Variants in ZNF283 observed in about 807,000 individuals in gnomAD.
The protein encoded by ZNF283 is zinc finger protein 283.
A neutral mutation model predicts 9.2 loss-of-function variants in ZNF283; 10 were observed. The observed-to-expected ratio is 1.09, with a 90% CI of 0.67 to 1.85. ZNF283 has a LOEUF of 1.85. Ranked by LOEUF, ZNF283 falls within the 40% of genes most tolerant of loss-of-function variation. The pLI is 0.00. For missense variants in ZNF283, 631 were observed against 760.1 expected (o/e 0.83, Z 2.00); for synonymous variants, 234 against 244.1 (o/e 0.96, Z 0.38).
intron 6 of ZNF283, chr19:43,841,410 A>G (rs1971204019): frequency 6.7e-6 from 1 of 149,820 alleles, no homozygotes; most frequent in South Asian, 2.1e-4. Flanking sequence ...CTTGTGTTAT[A>G]TGGCTACTAG....
chr19:43,833,860 T>C (rs1294256013), intron 4 of ZNF283: 1 of 152,288 alleles, frequency 6.6e-6, no homozygotes, highest in Non-Finnish European at 1.5e-5. Flanking sequence ...CCTGACCCTG[T>C]GATACTTGTA....
chr19:43,828,223 C>T lies in ZNF283; in HGVS notation c.-123C>T, dbSNP rs568861887. 8.5e-5 allele frequency: 13 copies of T among 152,240 alleles called. No individual in the cohort carries two copies. The highest frequency in any genetic ancestry group is 2.9e-4 in the African/African-American group (12 of 41,530). 9.4% of individuals were successfully genotyped at this position (152,240 alleles called of 1,614,324 possible). On this transcript the variant is annotated 5_prime_UTR_variant, in exon 2 of 7. Transcript: ENST00000618787. Reference sequence around the variant, plus strand: ...CCAGTGCTGCCAGGTTGCCAGATTTCTAAGAAGGAGTTTGAAGAGGAGAAA... The same window carrying T: ...CCAGTGCTGCCAGGTTGCCAGATTTTTAAGAAGGAGTTTGAAGAGGAGAAA...
chr19:43,847,264 A>T lies in ZNF283; in HGVS notation c.663A>T (p.Lys221Asn). 6.2e-7 allele frequency: 1 copy of T among 1,612,046 alleles called. No individual in the cohort carries two copies. The highest frequency in any genetic ancestry group is 8.5e-7 in the Non-Finnish European group (1 of 1,179,186). Reference protein sequence around the residue: ...ECGKACSHGSKLVQHERTHTA... With the variant: ...ECGKACSHGSNLVQHERTHTA... ...GGAAGGCTTGCAGTCATGGCTCAAA[A>T]CTTGTTCAACATGAGAGAACTCATA... The change falls in exon 7 of 7, where the codon AAA (lysine) becomes AAT (asparagine). Residue 221 changes from lysine (K) to asparagine (N), a missense_variant. Lys to Asn is a moderately conservative substitution (Grantham distance 94). Coordinates refer to ENST00000618787, the MANE Select transcript of ZNF283 (RefSeq NM_181845.2).
chr19:43,843,125 A>G (rs1426605016), intron 6 of ZNF283, among the ~76,000 whole-genome samples: 2 of 152,160 alleles, frequency 1.3e-5, no homozygotes, highest in Non-Finnish European at 2.9e-5. Flanking sequence ...GACAGATCAC[A>G]AGGTTAAGAG....
In ZNF283 at chr19:43,835,589, T is replaced by G. The variant is rs367918797; in HGVS notation, c.207T>G (p.Thr69=). 2.5e-6 allele frequency: 4 copies of G among 1,596,764 alleles called. No individual in the cohort carries two copies. In the African/African-American group the frequency reaches 5.4e-5, roughly 21 times the overall value. The change falls in exon 5 of 7, where the codon ACT becomes ACG. Residue 69 remains threonine (T), a synonymous_variant. Coordinates refer to ENST00000618787, the MANE Select transcript of ZNF283 (RefSeq NM_181845.2). ...GTTCTTGCAATTCCAGAACCATGACTGATGTAAGTTGGTATTTTTCTCTCC... is the reference window on the plus strand; with the variant it reads ...GTTCTTGCAATTCCAGAACCATGACGGATGTAAGTTGGTATTTTTCTCTCC... The part of the protein sequence containing the change: ...LISSCNSRTM[T]DGLVTFRDVA...
rs752448122 is a variant in ZNF283 at position 43,846,953 on chromosome 19, A to G, written c.352A>G (p.Thr118Ala). The G allele has an allele frequency of 6.4e-6, 10 of 1,567,546 alleles. No homozygotes were observed. The African/African-American group carries it at 8.2e-5, about 13-fold the overall frequency. ...TTTTCTTTCAGATTTGGAGTCAAAA[A>G]CGTATGAGACCAAAAAAATATTTTC... The part of the protein sequence containing the change: ...NLVSLDLESK[T>A]YETKKIFSEN... Residue 118 changes from threonine to alanine, a missense_variant, in exon 7 of 7, where the codon ACG (threonine) becomes GCG (alanine). This residue lies in a region of ZNF283 where 184 missense variants were observed against 220.0 expected (regional missense o/e 0.84). Transcript: ENST00000618787.
rs532572257 is a variant in ZNF283 at position 43,833,574 on chromosome 19, C to T, written c.70C>T (p.Pro24Ser). The part of the protein sequence containing the change: ...CDLGSLQAPP[P>S]GFTLFSCLSL... ...TCTTGGCTCACTGCAAGCTCCGCCT[C>T]CTGGGTTCACGCTATTCTCCTGCCT... The change falls in exon 4 of 7, where the codon CCT (proline) becomes TCT (serine). Residue 24 changes from proline (P) to serine (S), a missense_variant. Pro to Ser is a moderately conservative substitution (Grantham distance 74). Coordinates refer to ENST00000618787, the MANE Select transcript of ZNF283 (RefSeq NM_181845.2). 57 of 175,240 alleles carry T rather than the reference C, an allele frequency of 3.3e-4. 1 individual carries two copies. The Admixed American group carries it at 3.7e-3, about 11-fold the overall frequency. The allele number at this position is 175,240 out of a possible 1,614,324, so 10.9% of individuals were successfully genotyped here.
rs760784093 is a variant in ZNF283 at position 43,847,689 on chromosome 19, C to T, written c.1088C>T (p.Thr363Ile). ...GCCTTCAGTCGTGGCTATCAGCTTA[C>T]TCAGCATCAGAAAATCCATACTGGT... ...GKAFSRGYQLTQHQKIHTGKK... is the reference protein window; with the variant it reads ...GKAFSRGYQLIQHQKIHTGKK... The change falls in exon 7 of 7, where the codon ACT becomes ATT. Residue 363 changes from threonine to isoleucine, a missense_variant. Physicochemically the swap from Thr to Ile is moderately conservative, Grantham distance 89. This residue lies in a region of ZNF283 where 444 missense variants were observed against 522.5 expected (regional missense o/e 0.85). Coordinates refer to ENST00000618787, the MANE Select transcript of ZNF283 (RefSeq NM_181845.2). 68 of 1,613,102 alleles carry T rather than the reference C, an allele frequency of 4.2e-5. No individual in the cohort carries two copies. Among genetic ancestry groups the T allele is most frequent in the Non-Finnish European group, 5.3e-5 (63 of 1,179,528 alleles).
intron 2 of ZNF283, among the ~76,000 whole-genome samples, chr19:43,829,113 C>T (rs926013710): frequency 6.6e-6 from 1 of 152,168 alleles, no homozygotes; most frequent in African/African-American, 2.4e-5. Context: ...GGGTCGGGCA[C>T]AGTGGCTCAC....
In ZNF283 at chr19:43,846,958, T is replaced by G; in HGVS notation, c.357T>G (p.Tyr119Ter). Reference sequence around the variant, plus strand: ...TTTCAGATTTGGAGTCAAAAACGTATGAGACCAAAAAAATATTTTCAGAAA... The same window carrying G: ...TTTCAGATTTGGAGTCAAAAACGTAGGAGACCAAAAAAATATTTTCAGAAA... ...LVSLDLESKT[Y>*]ETKKIFSEND... The change falls in exon 7 of 7, where the codon TAT (tyrosine) becomes TAG (stop). Residue 119 changes from tyrosine to a stop codon, truncating the protein, a stop_gained. Coordinates refer to ENST00000618787, the MANE Select transcript of ZNF283 (RefSeq NM_181845.2). LOFTEE classifies it low-confidence loss of function (END_TRUNC). 6.3e-7 allele frequency: 1 copy of G among 1,579,588 alleles called. No homozygotes were observed. Among genetic ancestry groups the G allele is most frequent in the Non-Finnish European group, 8.6e-7 (1 of 1,162,940 alleles).
At chr19:43,840,173 C>T (rs931225039) in intron 6 of ZNF283, among the ~76,000 whole-genome samples, 1 of 152,088 alleles carries the variant, frequency 6.6e-6, no homozygotes, top group Non-Finnish European at 1.5e-5. Context: ...TCCATCATCT[C>T]TACAGTCAGT....
At position 43,831,863 on chromosome 19, in the gene ZNF283, A is replaced by G. The variant is rs186137059; in HGVS notation, c.-1+482A>G. ...AGGCTGGTCTTGAACTCCTGAGCTC[A>G]AGCAATCCGCCTCCTTTGGCCTTCC... is the stretch of plus-strand genomic sequence containing the variant. On this transcript the variant is annotated intron_variant, in intron 3 of 6. Coordinates refer to ENST00000618787, the MANE Select transcript of ZNF283 (RefSeq NM_181845.2). Among the ~76,000 whole-genome samples, 13 of 152,282 alleles carry G rather than the reference A, an allele frequency of 8.5e-5. No homozygotes were observed. The East Asian group carries it at 2.1e-3, about 25-fold the overall frequency.
chr19:43,839,674 C>T (rs990150174), intron 6 of ZNF283, among the ~76,000 whole-genome samples: 2 of 152,104 alleles, frequency 1.3e-5, no homozygotes, highest in Non-Finnish European at 1.5e-5. Context: ...TTTCAAATGA[C>T]TCATTTTCAA....
intron 6 of ZNF283, among the ~76,000 whole-genome samples, chr19:43,846,704 G>T (rs181699908): frequency 1.3e-5 from 2 of 152,308 alleles, no homozygotes; most frequent in South Asian, 2.1e-4. Flanking sequence ...GTGGGAAAAT[G>T]AGGGACTTGT....
chr19:43,833,356 G>T (rs552995982), intron 3 of ZNF283, 149 bp from the exon 4 acceptor site: 3 of 162,350 alleles, frequency 1.8e-5, no homozygotes, highest in Non-Finnish European at 4.1e-5. Flanking sequence ...TGAGGATATG[G>T]TGGGCCATAA....
chr19:43,832,682 C>T (rs1206246127), intron 3 of ZNF283, among the ~76,000 whole-genome samples: 1 of 152,038 alleles, frequency 6.6e-6, no homozygotes, highest in Non-Finnish European at 1.5e-5. Context: ...TTTGGCATAA[C>T]AGGATAAGGG....
chr19:43,843,006 A>T (rs1036544903), intron 6 of ZNF283, among the ~76,000 whole-genome samples: 1 of 152,222 alleles, frequency 6.6e-6, no homozygotes, highest in Non-Finnish European at 1.5e-5. Context: ...ATACCAAAGT[A>T]TGATGGTTGC....
intron 1 of ZNF283, chr19:43,827,950 C>G (rs1190027371): frequency 6.6e-6 from 1 of 152,028 alleles, no homozygotes; most frequent in Non-Finnish European, 1.5e-5. Context: ...GGTGGGATTC[C>G]TAGAAGAGGG....
chr19:43,851,135 A>C lies in ZNF283; in HGVS notation c.*2494A>C, dbSNP rs899626285. On this transcript the variant is annotated 3_prime_UTR_variant, in exon 7 of 7. Coordinates refer to ENST00000618787, the MANE Select transcript of ZNF283 (RefSeq NM_181845.2). ...CTCTTAATAATCAACTGTAACACAA[A>C]GCAGAGTACTTTGGGAGTTTTAACA... The C allele has an allele frequency of 6.6e-6, 1 of 152,208 alleles. No homozygotes were observed. The highest frequency in any genetic ancestry group is 1.5e-5 in the Non-Finnish European group (1 of 68,048). The allele number at this position is 152,208 out of a possible 1,614,324, so 9.4% of individuals were successfully genotyped here. A position where few individuals can be genotyped will look rare whatever the true frequency, so the allele number is the denominator to read the frequency against.
Sources: allele counts gnomAD v4.1 joint callset (sites outside exome capture counted in the v4.1 genomes callset), GRCh38; gene constraint gnomAD v4.1.1; regional missense constraint gnomAD v4.1.1; transcripts MANE v1.5; gene names NCBI Gene and HGNC (gene_info 2026-07-23, HGNC 2026-07-21).